Variants in HS3ST3B1 observed in about 807,000 individuals in gnomAD.
The protein encoded by HS3ST3B1 is heparan sulfate-glucosamine 3-sulfotransferase 3B1.
A neutral mutation model predicts 21.3 loss-of-function variants in HS3ST3B1; 13 were observed. The observed-to-expected ratio is 0.61, with a 90% CI of 0.40 to 0.97. The LOEUF (loss-of-function observed/expected upper bound fraction) is 0.97. Among genes scored for constraint, HS3ST3B1 ranks in the 50% least tolerant of loss-of-function variants. The pLI, the probability that HS3ST3B1 is intolerant of heterozygous loss-of-function variation, is 0.00. For missense variants in HS3ST3B1, 459 were observed against 554.8 expected (o/e 0.83, Z 1.73); for synonymous variants, 234 against 254.8 (o/e 0.92, Z 0.78).
In HS3ST3B1 at chr17:14,303,434, A is replaced by G. The variant is rs966217708; in HGVS notation, c.554+1362A>G. Among the ~76,000 whole-genome samples the G allele has an allele frequency of 2.6e-5, 4 of 151,910 alleles. No homozygotes were observed. The highest frequency in any genetic ancestry group is 7.3e-5 in the African/African-American group (3 of 41,324). On this transcript the variant is annotated intron_variant, in intron 1 of 1. Coordinates refer to ENST00000360954, the MANE Select transcript of HS3ST3B1 (RefSeq NM_006041.3). The surrounding 1 kb of genome is among the most constrained non-coding windows in gnomAD (Gnocchi z 5.7). ...CCTTTGTCCTTAATGGTTTTTTATT[A>G]TTGTCAGGAGTTGCCCAAGTCTCGA...
intron 1 of HS3ST3B1, among the ~76,000 whole-genome samples, chr17:14,321,680 T>G (rs1909663547): frequency 6.9e-6 from 1 of 145,178 alleles, no homozygotes; most frequent in Non-Finnish European, 1.5e-5. Flanking sequence ...GGTGTTTTTC[T>G]TCCATAGAAC....
At chr17:14,335,512 T>G (rs796743442) in intron 1 of HS3ST3B1, among the ~76,000 whole-genome samples, 12 of 152,270 alleles carry the variant, frequency 7.9e-5, no homozygotes, top group African/African-American at 2.9e-4. Context: ...CTGTCCAACA[T>G]GATGAAACTC....
At chr17:14,341,010 T>A (rs377246206) in intron 1 of HS3ST3B1, among the ~76,000 whole-genome samples, 10 of 152,176 alleles carry the variant, frequency 6.6e-5, no homozygotes, top group African/African-American at 2.4e-4. Context: ...TTCTGACACA[T>A]GTGGACAAAC....
Position 14,302,162 on chromosome 17 carries a change from T to C in HS3ST3B1, c.554+90T>C, listed in dbSNP as rs1597583181. The C allele has an allele frequency of 9.0e-6, 13 of 1,439,788 alleles. No homozygotes were observed. The East Asian group carries it at 3.2e-4, about 36-fold the overall frequency. The allele number at this position is 1,439,788 out of a possible 1,614,324, so 89.2% of individuals were successfully genotyped here. A position where few individuals can be genotyped will look rare whatever the true frequency, so the allele number is the denominator to read the frequency against. On this transcript the variant is annotated intron_variant, in intron 1 of 1. Transcript: ENST00000360954. The stretch of plus-strand genomic sequence containing the variant: ...GGCGTATGATAGGGAATTGGCAGGG[T>C]TACAGCTTCGGACCACCCGGGGTAG...
chr17:14,346,894 G>A lies in HS3ST3B1; in HGVS notation c.*1248G>A, dbSNP rs950487952. The A allele has an allele frequency of 1.3e-5, 2 of 152,168 alleles. No homozygotes were observed. The highest frequency in any genetic ancestry group is 2.4e-5 in the African/African-American group (1 of 41,406). 9.4% of individuals were successfully genotyped at this position (152,168 alleles called of 1,614,324 possible). On this transcript the variant is annotated 3_prime_UTR_variant, in exon 2 of 2. Coordinates refer to ENST00000360954, the MANE Select transcript of HS3ST3B1 (RefSeq NM_006041.3). ...CTCAGAGGGGTCAGCTGTGTCCCTC[G>A]GCATCAGCGTCTACCAAGGTGCTGC...
At chr17:14,334,970 G>T (rs1199020304) in intron 1 of HS3ST3B1, among the ~76,000 whole-genome samples, 1 of 152,120 alleles carries the variant, frequency 6.6e-6, no homozygotes, top group Non-Finnish European at 1.5e-5. Context: ...GGAGTGGGGA[G>T]GGGGGAAATC....
At chr17:14,334,610 G>A (rs185537324) in intron 1 of HS3ST3B1, among the ~76,000 whole-genome samples, 5 of 152,214 alleles carry the variant, frequency 3.3e-5, no homozygotes, top group Admixed American at 1.3e-4. Context: ...ATAGATGAGC[G>A]TACATTGACA....
At chr17:14,334,388 C>T (rs797011227) in intron 1 of HS3ST3B1, among the ~76,000 whole-genome samples, 23 of 151,956 alleles carry the variant, frequency 1.5e-4, no homozygotes, top group African/African-American at 5.6e-4. Context: ...GTGGCTTAGG[C>T]TGTAGTGCAG....
At chr17:14,311,677 G>A (rs947954726) in intron 1 of HS3ST3B1, among the ~76,000 whole-genome samples, 14 of 152,168 alleles carry the variant, frequency 9.2e-5, no homozygotes, top group African/African-American at 2.2e-4. Flanking sequence ...CAAAAATCCC[G>A]TCGGTGCACT....
chr17:14,331,703 G>A (rs1319592581), intron 1 of HS3ST3B1, among the ~76,000 whole-genome samples: 1 of 152,154 alleles, frequency 6.6e-6, no homozygotes, highest in African/African-American at 2.4e-5. Context: ...ATCCTGCTGC[G>A]AAACCTGAAA....
chr17:14,341,884 G>C (rs935638366), intron 1 of HS3ST3B1, among the ~76,000 whole-genome samples: 3 of 152,136 alleles, frequency 2.0e-5, no homozygotes, highest in Non-Finnish European at 2.9e-5. Flanking sequence ...AATAAGTTGC[G>C]AGCCGAGACT....
chr17:14,326,370 A>T (rs1909817915), intron 1 of HS3ST3B1, among the ~76,000 whole-genome samples: 1 of 152,174 alleles, frequency 6.6e-6, no homozygotes, highest in Admixed American at 6.5e-5. Context: ...GAACATTTCC[A>T]GATTTGGCTT....
At chr17:14,330,407 T>A (rs1909973079) in intron 1 of HS3ST3B1, among the ~76,000 whole-genome samples, 1 of 152,086 alleles carries the variant, frequency 6.6e-6, no homozygotes, top group Non-Finnish European at 1.5e-5. Flanking sequence ...GAGCACAAGC[T>A]TTTGAGTGTC....
At chr17:14,302,705 C>A (rs1333697603) in intron 1 of HS3ST3B1, among the ~76,000 whole-genome samples, 1 of 152,006 alleles carries the variant, frequency 6.6e-6, no homozygotes, top group Non-Finnish European at 1.5e-5. Flanking sequence ...GGCGGGCGGG[C>A]GGCGCGCGGA....
At chr17:14,327,178 C>T (rs1224860856) in intron 1 of HS3ST3B1, among the ~76,000 whole-genome samples, 3 of 152,150 alleles carry the variant, frequency 2.0e-5, no homozygotes, top group African/African-American at 4.8e-5. Flanking sequence ...TTCGAGTTTC[C>T]TTTCCTCTTG....
Position 14,347,058 on chromosome 17 carries a change from C to T in HS3ST3B1, c.*1412C>T, listed in dbSNP as rs544961023. 6.6e-6 allele frequency: 1 copy of T among 152,312 alleles called. No homozygotes were observed. Among genetic ancestry groups the T allele is most frequent in the South Asian group, 2.1e-4 (1 of 4,822 alleles). 9.4% of individuals were successfully genotyped at this position (152,312 alleles called of 1,614,324 possible). ...CTTGATGCGTCTTTGGAATTCCTAG[C>T]TCATCTCAGAATTATATCTTAGAGT... On this transcript the variant is annotated 3_prime_UTR_variant, in exon 2 of 2. Coordinates refer to ENST00000360954, the MANE Select transcript of HS3ST3B1 (RefSeq NM_006041.3).
chr17:14,308,255 A>C (rs542977701), intron 1 of HS3ST3B1, among the ~76,000 whole-genome samples: 242 of 152,352 alleles, frequency 1.6e-3, no homozygotes, highest in African/African-American at 5.7e-3. Context: ...ATCTTAATAA[A>C]ATGATAATAA....
chr17:14,334,007 C>T (rs1220826884), intron 1 of HS3ST3B1, among the ~76,000 whole-genome samples: 3 of 152,300 alleles, frequency 2.0e-5, no homozygotes, highest in East Asian at 1.9e-4. Context: ...GTGATCCACC[C>T]GCCTCAGCCT....
chr17:14,324,606 C>T (rs1046230065), intron 1 of HS3ST3B1, among the ~76,000 whole-genome samples: 2 of 151,956 alleles, frequency 1.3e-5, no homozygotes, highest in Non-Finnish European at 2.9e-5. Context: ...TTTTATCTAT[C>T]GTTTGTTTTT....
Sources: allele counts gnomAD v4.1 joint callset (sites outside exome capture counted in the v4.1 genomes callset), GRCh38; gene constraint gnomAD v4.1.1; non-coding constraint Gnocchi (gnomAD v3.1); transcripts MANE v1.5; gene names NCBI Gene and HGNC (gene_info 2026-07-23, HGNC 2026-07-21).